IL7: variants seen among roughly 807,000 people sequenced by gnomAD.
The protein encoded by IL7 is interleukin 7, also known as interleukin-7.
Under a neutral mutation model 21.6 loss-of-function variants are expected in IL7, and 3 were observed. The observed-to-expected ratio is 0.14, with a 90% confidence interval of 0.06 to 0.36. The LOEUF (loss-of-function observed/expected upper bound fraction) is 0.36, where lower values mean the gene tolerates loss of function less well. Among genes scored for constraint, IL7 ranks in the 10% least tolerant of loss-of-function variants. The pLI is 1.00. For synonymous variants in IL7, 62 were observed against 68.1 expected (o/e 0.91, Z 0.44); for missense variants, 175 against 200.2 (o/e 0.87, Z 0.76).
intron 4 of IL7, among the ~76,000 whole-genome samples, chr8:78,683,080 G>GC (rs1455524731): frequency 1.3e-5 from 2 of 152,290 alleles, no homozygotes; most frequent in African/African-American, 4.8e-5. Context: ...GCAGGGTACA[G>GC]CCCCCCTCCT....
chr8:78,768,654 G>T (rs978691237), intron 2 of IL7, among the ~76,000 whole-genome samples: 51 of 151,688 alleles, frequency 3.4e-4, no homozygotes, highest in Middle Eastern at 3.4e-3. Context: ...TGAGTTCATT[G>T]TAGATTCTGG....
At chr8:78,727,495 A>T (rs1242670709) in intron 3 of IL7, among the ~76,000 whole-genome samples, 1 of 152,028 alleles carries the variant, frequency 6.6e-6, no homozygotes, top group Non-Finnish European at 1.5e-5. Context: ...TATTTCAATA[A>T]CAAGTATTTG....
At position 78,711,706 on chromosome 8, in the gene IL7, T is replaced by C. The variant is rs1300568242; in HGVS notation, n.214+9642A>G. ...GATTTTTTTTTTGAAATAGTTGTTC[T>C]TCCTAAGTTTCTTCATTGATTCCAT... is the stretch of plus-strand genomic sequence containing the variant. On this transcript the variant is annotated intron_variant and non_coding_transcript_variant, in intron 3 of 4. Coordinates refer to the IL7 transcript ENST00000523959. 2.0e-5 allele frequency among the ~76,000 whole-genome samples: 3 copies of C among 152,142 alleles called. No individual in the cohort carries two copies. In the South Asian group the frequency reaches 6.2e-4, roughly 31 times the overall value.
intron 2 of IL7, among the ~76,000 whole-genome samples, chr8:78,758,454 C>A (rs1055728784): frequency 6.6e-6 from 1 of 151,908 alleles, no homozygotes; most frequent in Non-Finnish European, 1.5e-5. Context: ...GAGTTTAATT[C>A]TTTCTTGTGC....
chr8:78,802,605 G>A (rs1021596743), intron 1 of IL7, among the ~76,000 whole-genome samples: 47 of 151,842 alleles, frequency 3.1e-4, no homozygotes, highest in Non-Finnish European at 2.4e-4. Flanking sequence ...AAATTTTTTT[G>A]TATTTTTAGT....
chr8:78,698,661 G>A, intron 3 of IL7: 1 of 474,374 alleles, frequency 2.1e-6, no homozygotes, highest in South Asian at 6.5e-5. Context: ...CACACTCACT[G>A]CTGTTGAGTA....
At chr8:78,747,043 AG>A in intron 2 of IL7, 1 of 456,644 alleles carries the variant, frequency 2.2e-6, no homozygotes. Flanking sequence ...TATTGCTCAT[AG>A]CTGATTGCTG....
chr8:78,687,245 G>A (rs1261148039), intron 3 of IL7, among the ~76,000 whole-genome samples: 1 of 151,868 alleles, frequency 6.6e-6, no homozygotes, highest in Non-Finnish European at 1.5e-5. Context: ...GGTTGTTAAT[G>A]TAACAGGGTA....
chr8:78,760,020 A>G, intron 2 of IL7: 1 of 620,888 alleles, frequency 1.6e-6, no homozygotes, highest in Non-Finnish European at 2.5e-6. Flanking sequence ...TAGATTATCA[A>G]TGGCTAATGT....
At chr8:78,740,830 A>C (rs1003088941) in intron 2 of IL7, among the ~76,000 whole-genome samples, 4 of 152,212 alleles carry the variant, frequency 2.6e-5, no homozygotes, top group Non-Finnish European at 5.9e-5. Context: ...GTGTATTATA[A>C]ACATAGGAGT....
In IL7 at chr8:78,805,209, C is replaced by A. The variant is rs931237723; in HGVS notation, c.-287G>T. On this transcript the variant is annotated 5_prime_UTR_variant, in exon 1 of 6. Transcript: ENST00000263851. ...CAGTTTCTACTTTGCGCTTGGTCTGCAGGTTCAATCTTTGGGATCATCAGC... is the reference window on the plus strand; with the variant it reads ...CAGTTTCTACTTTGCGCTTGGTCTGAAGGTTCAATCTTTGGGATCATCAGC... 21 of 373,226 alleles carry A rather than the reference C, an allele frequency of 5.6e-5. No individual in the cohort carries two copies. Among genetic ancestry groups the A allele is most frequent in the Non-Finnish European group, 8.7e-5 (18 of 206,188 alleles). The allele number at this position is 373,226 out of a possible 1,614,324, so 23.1% of individuals were successfully genotyped here. A position where few individuals can be genotyped will look rare whatever the true frequency, so the allele number is the denominator to read the frequency against.
chr8:78,761,569 A>C (rs1404817914), intron 2 of IL7: 1 of 1,611,716 alleles, frequency 6.2e-7, no homozygotes, highest in East Asian at 2.2e-5. Flanking sequence ...TTAGGTTATG[A>C]GATTCATCAA....
At chr8:78,687,249 C>A (rs1049045857) in intron 3 of IL7, among the ~76,000 whole-genome samples, 1 of 151,798 alleles carries the variant, frequency 6.6e-6, no homozygotes, top group Non-Finnish European at 1.5e-5. Flanking sequence ...GTTAATGTAA[C>A]AGGGTAGCCA....
At chr8:78,741,384 G>C (rs1325223053) in intron 2 of IL7, among the ~76,000 whole-genome samples, 4 of 151,964 alleles carry the variant, frequency 2.6e-5, no homozygotes, top group South Asian at 4.2e-4. Flanking sequence ...CATACCCCAA[G>C]GACAATAACT....
chr8:78,686,167 T>G (rs1411906099), intron 3 of IL7, among the ~76,000 whole-genome samples: 1 of 152,178 alleles, frequency 6.6e-6, no homozygotes, highest in Non-Finnish European at 1.5e-5. Flanking sequence ...AACATGAGTT[T>G]TGGAGGGAAC....
chr8:78,697,432 CA>C, intron 3 of IL7: 1 of 1,602,052 alleles, frequency 6.2e-7, no homozygotes, highest in South Asian at 1.1e-5. Flanking sequence ...CTTAAAAAGT[CA>C]AATTCTCCTG....
intron 3 of IL7, 78 bp from the exon 4 acceptor site, chr8:78,738,713 A>G: frequency 7.2e-7 from 1 of 1,387,660 alleles, no homozygotes; most frequent in Non-Finnish European, 9.8e-7. Flanking sequence ...AGGAGCCTAG[A>G]GCTTGAGCTA....
intron 2 of IL7, among the ~76,000 whole-genome samples, chr8:78,745,049 G>T (rs189962855): frequency 6.6e-6 from 1 of 152,128 alleles, no homozygotes; most frequent in African/African-American, 2.4e-5. Flanking sequence ...GTATTTACTC[G>T]CCCTTTTGTC....
chr8:78,751,990 T>C (rs1812189013), intron 2 of IL7, among the ~76,000 whole-genome samples: 1 of 152,186 alleles, frequency 6.6e-6, no homozygotes, highest in African/African-American at 2.4e-5. Flanking sequence ...CAATTATGTT[T>C]TAGCTCCCAC....
Sources: gnomAD v4.1 joint callset for allele counts (sites outside exome capture counted in the v4.1 genomes callset) on GRCh38, gnomAD v4.1.1 for gene constraint, MANE v1.5 for transcripts, NCBI Gene and HGNC (gene_info 2026-07-23, HGNC 2026-07-21) for gene names.